CHIC1: variants seen among roughly 807,000 people sequenced by gnomAD.
CHIC1 encodes the protein cysteine-rich hydrophobic domain-containing protein 1.
In CHIC1, 7 loss-of-function variants were observed where a neutral mutation model predicts 18.5. The ratio of observed to expected loss-of-function variants is 0.38; its 90% CI spans 0.22 to 0.71. CHIC1 has a LOEUF of 0.71. Ranked by LOEUF, CHIC1 falls within the 30% of genes least tolerant of loss-of-function variation. The pLI, the probability that CHIC1 is intolerant of heterozygous loss-of-function variation, is 0.49. For synonymous variants in CHIC1, 77 were observed against 73.5 expected (o/e 1.05, Z -0.25); for missense variants, 159 against 176.9 (o/e 0.90, Z 0.57).
At chrX:73,585,742 C>A (rs1191857937) in intron 3 of CHIC1, among the ~76,000 whole-genome samples, 1 of 111,145 alleles carries the variant, frequency 9.0e-6, no homozygotes, top group African/African-American at 3.3e-5. Flanking sequence ...CCAGGACTAT[C>A]CCTTTTTCTG....
intron 3 of CHIC1, among the ~76,000 whole-genome samples, chrX:73,649,069 T>C (rs1344652721): frequency 8.9e-6 from 1 of 112,064 alleles, no homozygotes; most frequent in Non-Finnish European, 1.9e-5. Flanking sequence ...AAAAGATTTG[T>C]CAACCCAGAA....
chrX:73,679,497 C>A, intron 4 of CHIC1, 115 bp downstream of exon 4: 1 of 570,963 alleles, frequency 1.8e-6, no homozygotes, highest in Non-Finnish European at 2.8e-6. Context: ...AGAATTAATA[C>A]TCAATTTTTA....
chrX:73,597,673 A>T (rs888342617), intron 3 of CHIC1, among the ~76,000 whole-genome samples: 2 of 108,862 alleles, frequency 1.8e-5, no homozygotes, highest in African/African-American at 6.7e-5. Context: ...CAGAACGTGC[A>T]GGTTTGTTAC....
chrX:73,675,240 A>G (rs2058055554), intron 3 of CHIC1, among the ~76,000 whole-genome samples: 1 of 111,616 alleles, frequency 9.0e-6, no homozygotes, highest in Non-Finnish European at 1.9e-5. Context: ...ATAGATATCT[A>G]TTAGGTCCAC....
chrX:73,606,105 A>G (rs1394059501), intron 3 of CHIC1, among the ~76,000 whole-genome samples: 2 of 106,418 alleles, frequency 1.9e-5, no homozygotes, highest in East Asian at 5.8e-4. Context: ...ACTTGATTCC[A>G]TTTTCCCCAT....
chrX:73,677,080 C>T (rs367844534), intron 3 of CHIC1, among the ~76,000 whole-genome samples: 3 of 111,328 alleles, frequency 2.7e-5, no homozygotes, highest in Non-Finnish European at 3.8e-5. Flanking sequence ...GCTGCCTGAT[C>T]GTTCCTCTGG....
chrX:73,591,472 T>C (rs1229921111), intron 3 of CHIC1, among the ~76,000 whole-genome samples: 1 of 111,658 alleles, frequency 9.0e-6, no homozygotes, highest in African/African-American at 3.3e-5. Flanking sequence ...ATACCAGTTT[T>C]CTACAAAGTA....
At chrX:73,663,990 T>G (rs2057993034) in intron 3 of CHIC1, among the ~76,000 whole-genome samples, 2 of 111,567 alleles carry the variant, frequency 1.8e-5, no homozygotes, top group African/African-American at 3.3e-5. Context: ...AGATCCCAGT[T>G]GCAACCCTTT....
chrX:73,623,819 AC>A lies in CHIC1; in HGVS notation c.507+39248del, dbSNP rs1157349811. On this transcript the variant is annotated intron_variant, in intron 3 of 5. Transcript: ENST00000373502. ...CATGAACTAAAAGGCATTACACTTT[AC>A]TTTTTTGACAAAATATTTGATTTAA... Among the ~76,000 whole-genome samples, 5 of 112,081 alleles carry A rather than the reference AC, an allele frequency of 4.5e-5. No homozygotes were observed. The East Asian group carries it at 1.1e-3, about 25-fold the overall frequency.
intron 3 of CHIC1, among the ~76,000 whole-genome samples, chrX:73,643,658 A>G (rs1406788267): frequency 2.7e-5 from 3 of 111,905 alleles, no homozygotes; most frequent in East Asian, 2.8e-4. Context: ...AGTTGATCGC[A>G]TCGGCTCCTG....
intron 3 of CHIC1, among the ~76,000 whole-genome samples, chrX:73,661,534 A>G (rs2057980375): frequency 3.6e-5 from 4 of 111,890 alleles, no homozygotes; most frequent in Admixed American, 1.9e-4. Context: ...ATAACTTGTA[A>G]GTCTGCTTGA....
Position 73,615,451 on chromosome X carries a change from A to T in CHIC1, c.507+30879A>T, listed in dbSNP as rs758739488. 3.6e-5 allele frequency among the ~76,000 whole-genome samples: 4 copies of T among 111,669 alleles called. No individual in the cohort carries two copies. The South Asian group carries it at 1.5e-3, about 43-fold the overall frequency. Reference sequence around the variant, plus strand: ...GTGGCAGGACAACCCTCTGGCTCCTAAAATGTCCACACTGGTGTTGGCAGT... The same window carrying T: ...GTGGCAGGACAACCCTCTGGCTCCTTAAATGTCCACACTGGTGTTGGCAGT... On this transcript the variant is annotated intron_variant, in intron 3 of 5. Transcript: ENST00000373502.
chrX:73,634,941 A>G (rs1200655087), intron 3 of CHIC1, among the ~76,000 whole-genome samples: 4 of 111,086 alleles, frequency 3.6e-5, no homozygotes, highest in Non-Finnish European at 3.8e-5. Context: ...TCTTTAATGC[A>G]TCCACTTTCA....
At chrX:73,648,572 C>T (rs2057900557) in intron 3 of CHIC1, among the ~76,000 whole-genome samples, 1 of 111,579 alleles carries the variant, frequency 9.0e-6, no homozygotes, top group Non-Finnish European at 1.9e-5. Flanking sequence ...GTGAAGCATA[C>T]ACAAGTATCA....
At chrX:73,629,491 A>T (rs2057797759) in intron 3 of CHIC1, among the ~76,000 whole-genome samples, 1 of 112,220 alleles carries the variant, frequency 8.9e-6, no homozygotes, top group Non-Finnish European at 1.9e-5. Flanking sequence ...ATGGTATAAG[A>T]CAAGTGTACA....
chrX:73,642,733 A>G (rs12015663), intron 3 of CHIC1, among the ~76,000 whole-genome samples: 1,887 of 108,489 alleles, frequency 0.017, 48 homozygotes, highest in African/African-American at 0.06. Context: ...TCAGCTTTCT[A>G]CATATGGCTA....
chrX:73,604,186 G>GT (rs1184818196), intron 3 of CHIC1, among the ~76,000 whole-genome samples: 1 of 104,255 alleles, frequency 9.6e-6, no homozygotes, highest in Non-Finnish European at 1.9e-5. Flanking sequence ...TTCTGAACCT[G>GT]TTACTGGTCT....
intron 1 of CHIC1, among the ~76,000 whole-genome samples, chrX:73,568,019 G>A (rs2057453351): frequency 9.0e-6 from 1 of 111,573 alleles, no homozygotes; most frequent in Non-Finnish European, 1.9e-5. Context: ...CCTGACAAGA[G>A]GTGAGTTGAA....
chrX:73,675,568 G>A (rs1293392837), intron 3 of CHIC1, among the ~76,000 whole-genome samples: 4 of 110,587 alleles, frequency 3.6e-5, no homozygotes, highest in Non-Finnish European at 7.6e-5. Context: ...GCCTTTTTTT[G>A]TTTTCCATTT....
Sources: allele counts gnomAD v4.1 joint callset (sites outside exome capture counted in the v4.1 genomes callset), GRCh38; gene constraint gnomAD v4.1.1; transcripts MANE v1.5; gene names NCBI Gene and HGNC (gene_info 2026-07-23, HGNC 2026-07-21).